PRKAG2: variants seen among roughly 807,000 people sequenced by gnomAD.
PRKAG2 encodes the protein 5'-AMP-activated protein kinase subunit gamma-2.
PRKAG2 carries 26 observed loss-of-function variants against 69.6 expected under a neutral mutation model. The ratio of observed to expected loss-of-function variants is 0.37; its 90% CI spans 0.27 to 0.52. PRKAG2 has a LOEUF of 0.52. PRKAG2 is among the 20% of genes least tolerant of loss of function. The pLI is 0.90. For missense variants in PRKAG2, 557 were observed against 740.0 expected (o/e 0.75, Z 2.87); for synonymous variants, 293 against 285.0 (o/e 1.03, Z -0.28).
intron 1 of PRKAG2, among the ~76,000 whole-genome samples, chr7:151,866,589 C>G (rs560375270): frequency 1.2e-4 from 18 of 152,224 alleles, no homozygotes; most frequent in African/African-American, 4.3e-4. Context: ...GAATGCAACT[C>G]CCCATCAAGC....
intron 1 of PRKAG2, among the ~76,000 whole-genome samples, chr7:151,844,987 C>A (rs1420797370): frequency 6.6e-6 from 1 of 152,112 alleles, no homozygotes; most frequent in Non-Finnish European, 1.5e-5. Flanking sequence ...CTTCTCGGTG[C>A]TGTTGAAAAG....
chr7:151,856,816 G>A (rs1196589709), intron 1 of PRKAG2, among the ~76,000 whole-genome samples: 3 of 152,144 alleles, frequency 2.0e-5, no homozygotes, highest in Admixed American at 6.5e-5. Flanking sequence ...CGCAAGGCAG[G>A]TGTTTCAAGT....
rs1352594424 is a variant in PRKAG2 at position 151,687,336 on chromosome 7, G to A, written c.467-11699C>T. On this transcript the variant is annotated intron_variant, in intron 3 of 15. Coordinates refer to ENST00000287878, the MANE Select transcript of PRKAG2 (RefSeq NM_016203.4). ...GTTGCCACTTAGAAAGCAGTCCTGGGGAGGCACAGGGGAGGCCCCTCTGCT... is the reference window on the plus strand; with the variant it reads ...GTTGCCACTTAGAAAGCAGTCCTGGAGAGGCACAGGGGAGGCCCCTCTGCT... Among the ~76,000 whole-genome samples, 6 of 152,196 alleles carry A rather than the reference G, an allele frequency of 3.9e-5. No homozygotes were observed. The South Asian group carries it at 1.2e-3, about 31-fold the overall frequency.
intron 4 of PRKAG2, among the ~76,000 whole-genome samples, chr7:151,670,114 GCA>G (rs1831764425): frequency 7.2e-6 from 1 of 139,318 alleles, no homozygotes; most frequent in Non-Finnish European, 1.6e-5. Flanking sequence ...ACACCTGCAT[GCA>G]CACACACTTG....
intron 3 of PRKAG2, among the ~76,000 whole-genome samples, chr7:151,762,701 T>C (rs2075490093): frequency 1.3e-5 from 2 of 152,190 alleles, no homozygotes; most frequent in South Asian, 4.1e-4. Flanking sequence ...GCAGCTGCCT[T>C]GCAGGATTGC....
At chr7:151,635,651 G>T (rs1385910707) in intron 4 of PRKAG2, among the ~76,000 whole-genome samples, 1 of 152,116 alleles carries the variant, frequency 6.6e-6, no homozygotes, top group Non-Finnish European at 1.5e-5. Flanking sequence ...GGTCGAAATG[G>T]AGAACAGATT....
chr7:151,872,727 C>T (rs1403858906), intron 1 of PRKAG2, among the ~76,000 whole-genome samples: 1 of 152,210 alleles, frequency 6.6e-6, no homozygotes, highest in Non-Finnish European at 1.5e-5. Flanking sequence ...GGTTCCTGCA[C>T]TAGGCTGAGC....
intron 1 of PRKAG2, among the ~76,000 whole-genome samples, chr7:151,824,222 A>C (rs998784773): frequency 6.6e-6 from 1 of 152,166 alleles, no homozygotes; most frequent in Non-Finnish European, 1.5e-5. Context: ...TATGACTTGG[A>C]AAGCTTCTTA....
At chr7:151,624,976 T>C (rs943549228) in intron 5 of PRKAG2, among the ~76,000 whole-genome samples, 1 of 152,200 alleles carries the variant, frequency 6.6e-6, no homozygotes, top group Non-Finnish European at 1.5e-5. Flanking sequence ...CGTTCATTTG[T>C]GTGACAAATG....
At chr7:151,871,466 C>T (rs2080218611) in intron 1 of PRKAG2, among the ~76,000 whole-genome samples, 1 of 152,230 alleles carries the variant, frequency 6.6e-6, no homozygotes, top group Admixed American at 6.5e-5. Context: ...CCTTCCTCTC[C>T]ATTGCATCCT....
intron 5 of PRKAG2, among the ~76,000 whole-genome samples, chr7:151,595,706 G>A (rs1814324638): frequency 6.6e-6 from 1 of 152,148 alleles, no homozygotes. Context: ...AAGCAAAACT[G>A]TCTTTATGTG....
chr7:151,729,227 G>A (rs1312767805), intron 3 of PRKAG2, among the ~76,000 whole-genome samples: 1 of 152,130 alleles, frequency 6.6e-6, no homozygotes, highest in African/African-American at 2.4e-5. Context: ...CTCAAATTGT[G>A]TGAACACTGT....
At chr7:151,875,574 T>G (rs751699095) in intron 1 of PRKAG2, among the ~76,000 whole-genome samples, 1,864 of 84,758 alleles carry the variant, frequency 0.022, 24 homozygotes, top group Middle Eastern at 0.071. Flanking sequence ...TGTGTGTGTG[T>G]GTGTGTGTGT....
At chr7:151,768,838 C>A (rs1031480225) in intron 3 of PRKAG2, among the ~76,000 whole-genome samples, 2 of 152,234 alleles carry the variant, frequency 1.3e-5, no homozygotes, top group African/African-American at 4.8e-5. Flanking sequence ...TGGACAAGGA[C>A]AGCCCGTGCC....
intron 1 of PRKAG2, among the ~76,000 whole-genome samples, chr7:151,870,620 A>C (rs1186958009): frequency 2.0e-5 from 3 of 152,134 alleles, no homozygotes; most frequent in Admixed American, 2.0e-4. Flanking sequence ...TCACGGTTCG[A>C]TCCTCCAGCC....
In PRKAG2 at chr7:151,572,653, A is replaced by C. The variant is rs1807855701; in HGVS notation, c.1051+11T>G. 1 of 1,590,542 alleles carries C rather than the reference A, an allele frequency of 6.3e-7. No homozygotes were observed. Among genetic ancestry groups the C allele is most frequent in the Non-Finnish European group, 8.6e-7 (1 of 1,160,992 alleles). On this transcript the variant is annotated intron_variant, in intron 9 of 15. Transcript: ENST00000287878. ...GATACTAAAAGATTTTAAACATCCA[A>C]TAGTGCTTACCCCTCCATGTTTCAA... is the stretch of plus-strand genomic sequence containing the variant.
At position 151,719,646 on chromosome 7, in the gene PRKAG2, G is replaced by GC. The variant is rs1411684891; in HGVS notation, c.467-44010dup. 6.6e-6 allele frequency among the ~76,000 whole-genome samples: 1 copy of GC among 152,122 alleles called. No individual in the cohort carries two copies. The highest frequency in any genetic ancestry group is 1.5e-5 in the Non-Finnish European group (1 of 68,030). On this transcript the variant is annotated intron_variant, in intron 3 of 15. Coordinates refer to ENST00000287878, the MANE Select transcript of PRKAG2 (RefSeq NM_016203.4). The surrounding 1 kb of genome is among the most constrained non-coding windows in gnomAD (Gnocchi z 5.2). ...TGTGTTGAGTCCTGTCCTGGCACCT[G>GC]CCTCTCAAGGGACCTGCATTCCTGC...
intron 1 of PRKAG2, among the ~76,000 whole-genome samples, chr7:151,865,752 G>A (rs2080050655): frequency 2.0e-5 from 3 of 152,216 alleles, no homozygotes; most frequent in Non-Finnish European, 4.4e-5. Flanking sequence ...GGGCGCAGTG[G>A]CTCACGCCTG....
At chr7:151,579,125 A>G (rs1809736288) in intron 6 of PRKAG2, among the ~76,000 whole-genome samples, 1 of 152,146 alleles carries the variant, frequency 6.6e-6, no homozygotes, top group Non-Finnish European at 1.5e-5. Context: ...GCCGGGCTCA[A>G]GTGATTCTCC....
Sources: gnomAD v4.1 joint callset for allele counts (sites outside exome capture counted in the v4.1 genomes callset) on GRCh38, gnomAD v4.1.1 for gene constraint, Gnocchi (gnomAD v3.1) non-coding constraint, MANE v1.5 for transcripts, NCBI Gene and HGNC (gene_info 2026-07-23, HGNC 2026-07-21) for gene names.